NINL: variants seen among roughly 807,000 people sequenced by gnomAD.
NINL encodes ninein like.
Under a neutral mutation model 160.3 loss-of-function variants are expected in NINL, and 153 were observed. The ratio of observed to expected loss-of-function variants is 0.95; its 90% CI spans 0.84 to 1.09. The LOEUF (loss-of-function observed/expected upper bound fraction) is 1.09, where lower values mean the gene tolerates loss of function less well. NINL is among the 50% of genes least tolerant of loss of function. The pLI, the probability that NINL is intolerant of heterozygous loss-of-function variation, is 0.00. For synonymous variants in NINL, 800 were observed against 734.8 expected (o/e 1.09, Z -1.43); for missense variants, 1,829 against 1,764.0 (o/e 1.04, Z -0.66).
intron 8 of NINL, 91 bp downstream of exon 8, chr20:25,500,748 TC>T (rs1298060887): frequency 3.1e-5 from 44 of 1,409,402 alleles, no homozygotes; most frequent in Non-Finnish European, 3.9e-5. Context: ...CCCTGCTGGG[TC>T]CCCTGGCTTG....
intron 15 of NINL, 61 bp downstream of exon 15, chr20:25,480,098 GTA>G: frequency 4.1e-6 from 5 of 1,231,892 alleles, no homozygotes; most frequent in Non-Finnish European, 6.0e-6. Flanking sequence ...GCGTGCCCAA[GTA>G]AAGCTGCCCA....
At chr20:25,500,783 G>A in intron 8 of NINL, 57 bp downstream of exon 8, 2 of 1,571,924 alleles carry the variant, frequency 1.3e-6, no homozygotes, top group South Asian at 2.4e-5. Context: ...ATCCTCCTCT[G>A]CAGCAGACGG....
At chr20:25,490,469 A>G (rs183935305) in intron 11 of NINL, among the ~76,000 whole-genome samples, 3,255 of 149,948 alleles carry the variant, frequency 0.022, 53 homozygotes, top group Non-Finnish European at 0.034. Flanking sequence ...CTGAGGCAGG[A>G]GAATGGTGGG....
At chr20:25,535,961 C>T (rs1291247115) in intron 1 of NINL, among the ~76,000 whole-genome samples, 1 of 152,164 alleles carries the variant, frequency 6.6e-6, no homozygotes, top group African/African-American at 2.4e-5. Flanking sequence ...AAATGAAAAA[C>T]ACCCGCGCCA....
At chr20:25,577,213 T>C (rs908241787) in intron 1 of NINL, among the ~76,000 whole-genome samples, 2 of 152,234 alleles carry the variant, frequency 1.3e-5, no homozygotes, top group Non-Finnish European at 2.9e-5. Flanking sequence ...CAGCCCGCCC[T>C]CTGGAGTCCC....
intron 13 of NINL, 63 bp from the exon 14 acceptor site, chr20:25,482,163 C>A: frequency 6.4e-7 from 1 of 1,550,858 alleles, no homozygotes; most frequent in South Asian, 1.2e-5. Context: ...GCGAGCTGGC[C>A]GAGCTGGCCT....
intron 1 of NINL, among the ~76,000 whole-genome samples, chr20:25,571,173 C>T (rs776743693): frequency 2.6e-5 from 4 of 152,134 alleles, no homozygotes; most frequent in Non-Finnish European, 4.4e-5. Context: ...GTAAGAACCA[C>T]GTCAAAATAT....
At chr20:25,505,593 C>T (rs769333507) in intron 5 of NINL, among the ~76,000 whole-genome samples, 1 of 152,198 alleles carries the variant, frequency 6.6e-6, no homozygotes, top group Non-Finnish European at 1.5e-5. Flanking sequence ...TTTTATTTGT[C>T]AATCACACCT....
Position 25,476,509 on chromosome 20 carries a change from C to A in NINL, c.2782G>T (p.Ala928Ser). ...IVPKEPEPFGASAAGLEQPGA... is the reference protein window; with the variant it reads ...IVPKEPEPFGSSAAGLEQPGA... ...GGCTGCTCCAGCCCCGCTGCGCTCG[C>A]GCCGAAAGGCTCTGGCTCCTTTGGG... Residue 928 changes from alanine to serine, a missense_variant, in exon 17 of 24, where the codon GCG becomes TCG. By Grantham distance (99) the Ala-to-Ser change is moderately conservative (BLOSUM62 1). Coordinates refer to ENST00000278886, the MANE Select transcript of NINL (RefSeq NM_025176.6). 1 of 1,602,726 alleles carries A rather than the reference C, an allele frequency of 6.2e-7. No homozygotes were observed. The highest frequency in any genetic ancestry group is 8.5e-7 in the Non-Finnish European group (1 of 1,179,836).
intron 10 of NINL, among the ~76,000 whole-genome samples, chr20:25,495,380 C>T (rs753151190): frequency 2.6e-5 from 4 of 152,234 alleles, no homozygotes; most frequent in East Asian, 1.9e-4. Flanking sequence ...GGCTCCATCG[C>T]GCATAGCTCT....
At chr20:25,467,038 C>G (rs1050922113) in intron 19 of NINL, among the ~76,000 whole-genome samples, 5 of 152,214 alleles carry the variant, frequency 3.3e-5, no homozygotes, top group Non-Finnish European at 7.3e-5. Flanking sequence ...TGCAGAGCCT[C>G]AGGCACTCAC....
At chr20:25,472,762 T>C (rs909553047) in intron 17 of NINL, among the ~76,000 whole-genome samples, 2 of 152,082 alleles carry the variant, frequency 1.3e-5, no homozygotes, top group African/African-American at 4.8e-5. Context: ...ACTCCTGGGC[T>C]CCCAGAGTCC....
chr20:25,499,214 C>T (rs960529907), intron 8 of NINL: 1 of 985,230 alleles, frequency 1.0e-6, no homozygotes, highest in African/African-American at 1.7e-5. Context: ...TGGGGAGCCG[C>T]CTGGAAAGCT....
chr20:25,516,687 T>C (rs532365430), intron 3 of NINL, among the ~76,000 whole-genome samples: 44 of 152,166 alleles, frequency 2.9e-4, no homozygotes, highest in Admixed American at 8.5e-4. Context: ...AAAGTGTGAA[T>C]TGGAGCAACT....
chr20:25,487,648 A>T (rs576969407), intron 13 of NINL, among the ~76,000 whole-genome samples: 2 of 152,346 alleles, frequency 1.3e-5, no homozygotes, highest in African/African-American at 4.8e-5. Context: ...AACTTTTGGT[A>T]AATTAAAACC....
At chr20:25,579,376 T>C (rs143550038) in intron 1 of NINL, among the ~76,000 whole-genome samples, 1 of 152,338 alleles carries the variant, frequency 6.6e-6, no homozygotes, top group African/African-American at 2.4e-5. Flanking sequence ...GAACAGTGCC[T>C]GGCACCTACT....
rs536313032 is a variant in NINL, at chr20:25,459,480, A to G, written c.3697-951T>C. On this transcript the variant is annotated intron_variant, in intron 21 of 23. Coordinates refer to ENST00000278886, the MANE Select transcript of NINL (RefSeq NM_025176.6). ...AGGCAGCTTATGGTTTGAGACAGAAAAGGAGGGAAGAACCAGTTCTAAATA... is the reference window on the plus strand; with the variant it reads ...AGGCAGCTTATGGTTTGAGACAGAAGAGGAGGGAAGAACCAGTTCTAAATA... Among the ~76,000 whole-genome samples, 3 of 152,144 alleles carry G rather than the reference A, an allele frequency of 2.0e-5. No homozygotes were observed. In the South Asian group the frequency reaches 6.2e-4, roughly 32 times the overall value.
chr20:25,512,799 CTGGG>C (rs746036275), intron 4 of NINL, 31 bp downstream of exon 4: 16 of 1,575,282 alleles, frequency 1.0e-5, no homozygotes, highest in Non-Finnish European at 1.1e-5. Flanking sequence ...ATTCCCAACA[CTGGG>C]CAGCTGGGGT....
intron 2 of NINL, among the ~76,000 whole-genome samples, chr20:25,518,379 T>C (rs1469468028): frequency 6.6e-6 from 1 of 152,246 alleles, no homozygotes; most frequent in East Asian, 1.9e-4. Flanking sequence ...GAATGTGCCC[T>C]ATTGGCACAT....
Sources: gnomAD v4.1 joint callset for allele counts (sites outside exome capture counted in the v4.1 genomes callset) on GRCh38, gnomAD v4.1.1 for gene constraint, MANE v1.5 for transcripts, NCBI Gene and HGNC (gene_info 2026-07-23, HGNC 2026-07-21) for gene names.